The following ZNF385D variants were observed in gnomAD, a reference collection of about 807,000 sequenced individuals.
ZNF385D encodes zinc finger protein 659.
ZNF385D carries 15 observed loss-of-function variants against 35.8 expected under a neutral mutation model. The ratio of observed to expected loss-of-function variants is 0.42; its 90% confidence interval spans 0.28 to 0.64. The LOEUF is 0.64. Ranked by LOEUF, ZNF385D falls within the 30% of genes least tolerant of loss-of-function variation. The pLI is 0.23. For missense variants in ZNF385D, 474 were observed against 494.6 expected, an observed-to-expected ratio of 0.96 and a Z score of 0.39; for synonymous variants, 212 against 186.8, an observed-to-expected ratio of 1.13 and a Z score of -1.10.
At chr3:22,109,949 AAAAC>A (rs1200923828) in intron 3 of ZNF385D, among the ~76,000 whole-genome samples, 10 of 152,214 alleles carry the variant, frequency 6.6e-5, no homozygotes, top group Non-Finnish European at 1.3e-4. Flanking sequence ...TTACAAGAAA[AAAAC>A]AAACCCATCA....
chr3:22,029,772 T>C (rs1210898749), intron 3 of ZNF385D, among the ~76,000 whole-genome samples: 1 of 152,178 alleles, frequency 6.6e-6, no homozygotes, highest in Non-Finnish European at 1.5e-5. Context: ...GAAGGGTAGT[T>C]GTATTATGTT....
chr3:22,172,599 G>T (rs995645829), intron 2 of ZNF385D, among the ~76,000 whole-genome samples: 4 of 151,988 alleles, frequency 2.6e-5, no homozygotes, highest in African/African-American at 9.7e-5. Context: ...CCCTGGCATG[G>T]GTCTCTGCTG....
At chr3:22,363,170 C>CTTGCCCACTGGACG (rs1228180903) in intron 2 of ZNF385D, among the ~76,000 whole-genome samples, 26 of 152,034 alleles carry the variant, frequency 1.7e-4, no homozygotes, top group African/African-American at 6.3e-4. Flanking sequence ...CTGCCTGGAC[C>CTTGCCCACTGGACG]TTGCCCACTA....
Position 22,159,127 on chromosome 3 carries a change from T to A in ZNF385D, c.325+9690A>T, listed in dbSNP as rs114853819. 5.5e-3 allele frequency among the ~76,000 whole-genome samples: 837 copies of A among 151,610 alleles called. 4 individuals are homozygous for A. The highest frequency in any genetic ancestry group is 8.2e-3 in the Non-Finnish European group (555 of 67,806). On this transcript the variant is annotated intron_variant, in intron 3 of 5. Coordinates refer to the ZNF385D transcript ENST00000494108. ...TATGTGTACTAAACAGATTTGAAGT[T>A]CACACATTAAAAAAAATTCTGCACT... is the stretch of plus-strand genomic sequence containing the variant.
At chr3:21,534,397 G>A (rs546053235) in intron 3 of ZNF385D, among the ~76,000 whole-genome samples, 5 of 151,736 alleles carry the variant, frequency 3.3e-5, no homozygotes, top group African/African-American at 1.2e-4. Flanking sequence ...TAATATAATC[G>A]CCACCACACA....
rs1325453645 is a variant in ZNF385D at position 21,420,844 on chromosome 3, C to A, written c.*370G>T. 1.8e-5 allele frequency: 3 copies of A among 169,290 alleles called. No homozygotes were observed. The highest frequency in any genetic ancestry group is 2.5e-5 in the Non-Finnish European group (2 of 78,856). 10.5% of individuals were successfully genotyped at this position (169,290 alleles called of 1,614,324 possible). Reference sequence around the variant, plus strand: ...TAAATTATTTTATATACATTGGAACCAGTTAATGCCCTTAGACAATGTATA... The same window carrying A: ...TAAATTATTTTATATACATTGGAACAAGTTAATGCCCTTAGACAATGTATA... On this transcript the variant is annotated 3_prime_UTR_variant, in exon 8 of 8. Transcript: ENST00000281523.
intron 3 of ZNF385D, among the ~76,000 whole-genome samples, chr3:21,771,806 G>C (rs1428173675): frequency 1.3e-5 from 2 of 151,892 alleles, no homozygotes; most frequent in Non-Finnish European, 2.9e-5. Context: ...CAAAGATGGA[G>C]GACTCACACT....
chr3:22,011,664 AATGATATAATAAAAGCT>A (rs1696582866), intron 3 of ZNF385D, among the ~76,000 whole-genome samples: 2 of 152,114 alleles, frequency 1.3e-5, no homozygotes, highest in Non-Finnish European at 2.9e-5. Flanking sequence ...ATAAATATCT[AATGATATAATAAAAGCT>A]ATAATTTATG....
At chr3:22,171,406 G>C (rs993519794) in intron 2 of ZNF385D, among the ~76,000 whole-genome samples, 2 of 152,128 alleles carry the variant, frequency 1.3e-5, no homozygotes, top group Non-Finnish European at 2.9e-5. Flanking sequence ...GCTTACACAT[G>C]AGAAATTCCC....
At chr3:21,800,771 G>T (rs2125683853) in intron 3 of ZNF385D, among the ~76,000 whole-genome samples, 1 of 152,044 alleles carries the variant, frequency 6.6e-6, no homozygotes, top group African/African-American at 2.4e-5. Flanking sequence ...GGCTCTAAGA[G>T]TTTTTTTGTG....
rs147525060 is a variant in ZNF385D, at chr3:21,498,105, C to T, written c.439+12756G>A. Among the ~76,000 whole-genome samples the T allele has an allele frequency of 8.7e-3, 1,325 of 152,028 alleles. 21 individuals carry two copies. The highest frequency in any genetic ancestry group is 0.03 in the African/African-American group (1,231 of 41,454). On this transcript the variant is annotated intron_variant, in intron 4 of 7. Transcript: ENST00000281523. ...TGATCTTCAACAAAATAAACAAAAACGAGCCATGGGGAAAGGACTCCCTAT... is the reference window on the plus strand; with the variant it reads ...TGATCTTCAACAAAATAAACAAAAATGAGCCATGGGGAAAGGACTCCCTAT...
At chr3:21,757,172 C>G in intron 3 of ZNF385D, among the ~76,000 whole-genome samples, 1 of 129,862 alleles carries the variant, frequency 7.7e-6, no homozygotes, top group Non-Finnish European at 1.6e-5. Flanking sequence ...CTCTCTCACC[C>G]AGGCCCCAGG....
chr3:21,841,806 T>C (rs1398736087), intron 3 of ZNF385D, among the ~76,000 whole-genome samples: 1 of 151,880 alleles, frequency 6.6e-6, no homozygotes, highest in Non-Finnish European at 1.5e-5. Context: ...TGTTATAACA[T>C]TTTTTAAGTT....
At position 21,930,679 on chromosome 3, in the gene ZNF385D, G is replaced by T. The variant is rs1016330979; in HGVS notation, c.325+238138C>A. Among the ~76,000 whole-genome samples the T allele has an allele frequency of 2.0e-5, 3 of 152,132 alleles. No homozygotes were observed. The East Asian group carries it at 5.8e-4, about 29-fold the overall frequency. ...TGAGAAATTAATCCTTACACATGTG[G>T]TCAACTGATTTTTGACAATGAAGCC... On this transcript the variant is annotated intron_variant, in intron 3 of 5. Transcript: ENST00000494108.
intron 3 of ZNF385D, among the ~76,000 whole-genome samples, chr3:21,517,455 T>G (rs1268888468): frequency 6.6e-6 from 1 of 152,204 alleles, no homozygotes; most frequent in Non-Finnish European, 1.5e-5. Flanking sequence ...CAGCAATGTG[T>G]TGGTTTCCTG....
chr3:22,233,072 C>T (rs1053410130), intron 2 of ZNF385D, among the ~76,000 whole-genome samples: 6 of 152,158 alleles, frequency 3.9e-5, no homozygotes, highest in South Asian at 2.1e-4. Flanking sequence ...GAAATTTTTA[C>T]TATAATTTTT....
intron 2 of ZNF385D, among the ~76,000 whole-genome samples, chr3:22,355,024 A>T (rs1696085961): frequency 6.6e-6 from 1 of 152,202 alleles, no homozygotes; most frequent in South Asian, 2.1e-4. Flanking sequence ...TTTAATTATA[A>T]AATTGGATAA....
At chr3:22,077,681 C>T (rs886650585) in intron 3 of ZNF385D, among the ~76,000 whole-genome samples, 1 of 151,906 alleles carries the variant, frequency 6.6e-6, no homozygotes, top group Admixed American at 6.6e-5. Flanking sequence ...AATGATTTCC[C>T]TCATACAGAG....
At chr3:22,021,356 G>A (rs996023510) in intron 3 of ZNF385D, among the ~76,000 whole-genome samples, 1 of 151,888 alleles carries the variant, frequency 6.6e-6, no homozygotes, top group Non-Finnish European at 1.5e-5. Flanking sequence ...AAAAAGAAAT[G>A]TTAGAAATCC....
Sources: gnomAD v4.1 joint callset for allele counts (sites outside exome capture counted in the v4.1 genomes callset) on GRCh38, gnomAD v4.1.1 for gene constraint, MANE v1.5 for transcripts, NCBI Gene and HGNC (gene_info 2026-07-23, HGNC 2026-07-21) for gene names.